The following MAP3K5 variants were observed in gnomAD, a reference collection of about 807,000 sequenced individuals.
MAP3K5 encodes ASK-1.
MAP3K5 carries 56 observed loss-of-function variants against 158.7 expected under a neutral mutation model. That is an observed-to-expected ratio of 0.35 (90% CI 0.28 to 0.44). MAP3K5 has a LOEUF of 0.44. Ranked by LOEUF, MAP3K5 falls within the 20% of genes least tolerant of loss-of-function variation. The pLI is 1.00. For synonymous variants in MAP3K5, 579 were observed against 601.7 expected (o/e 0.96, Z 0.55); for missense variants, 1,294 against 1,674.8 (o/e 0.77, Z 3.97).
intron 24 of MAP3K5, among the ~76,000 whole-genome samples, chr6:136,580,871 G>A (rs2129075217): frequency 6.6e-6 from 1 of 151,984 alleles, no homozygotes; most frequent in East Asian, 1.9e-4. Flanking sequence ...GTGGAGTGCA[G>A]TGGCGGGATC....
At chr6:136,741,392 T>C (rs1309230495) in intron 1 of MAP3K5, among the ~76,000 whole-genome samples, 1 of 152,068 alleles carries the variant, frequency 6.6e-6, no homozygotes, top group Non-Finnish European at 1.5e-5. Context: ...AATTGAATTA[T>C]AGATAATGTT....
chr6:136,614,304 G>A lies in MAP3K5; in HGVS notation c.2151-18C>T, dbSNP rs1230077367. ...GAGAGTATCTAAAAGACATGCAATT[G>A]TCAATGAGTTAATTATGTAGCCAGA... is the stretch of plus-strand genomic sequence containing the variant. On this transcript the variant is annotated intron_variant, in intron 15 of 29. Transcript: ENST00000359015. The A allele has an allele frequency of 3.1e-6, 5 of 1,608,658 alleles. No homozygotes were observed. Among genetic ancestry groups the A allele is most frequent in the Non-Finnish European group, 4.2e-6 (5 of 1,177,464 alleles).
Position 136,588,566 on chromosome 6 carries a change from T to G in MAP3K5, c.3225+3607A>C, listed in dbSNP as rs138675748. On this transcript the variant is annotated intron_variant, in intron 23 of 29. Coordinates refer to ENST00000359015, the MANE Select transcript of MAP3K5 (RefSeq NM_005923.4). ...TTCAAGGGGATGCAGATATTTTTGTTCAGTTCGCCACAGCATCCCCAGCAC... is the reference window on the plus strand; with the variant it reads ...TTCAAGGGGATGCAGATATTTTTGTGCAGTTCGCCACAGCATCCCCAGCAC... Among the ~76,000 whole-genome samples the G allele has an allele frequency of 3.7e-3, 558 of 152,312 alleles. 3 individuals are homozygous for G. The highest frequency in any genetic ancestry group is 0.013 in the African/African-American group (524 of 41,566).
At chr6:136,772,966 C>T (rs927355180) in intron 1 of MAP3K5, among the ~76,000 whole-genome samples, 2 of 152,074 alleles carry the variant, frequency 1.3e-5, no homozygotes, top group African/African-American at 4.8e-5. Context: ...GGGTTCAAGC[C>T]AGTCAAGAAT....
At chr6:136,618,416 TTGTTACA>T (rs1282785194) in intron 15 of MAP3K5, among the ~76,000 whole-genome samples, 5 of 152,250 alleles carry the variant, frequency 3.3e-5, no homozygotes, top group African/African-American at 1.2e-4. Context: ...ACCAACTGCA[TTGTTACA>T]GAACAGGAGC....
chr6:136,564,522 C>T (rs1410752268), intron 26 of MAP3K5, among the ~76,000 whole-genome samples: 1 of 152,006 alleles, frequency 6.6e-6, no homozygotes, highest in Admixed American at 6.6e-5. Flanking sequence ...GCAGGAAGCT[C>T]TGTGTGAATG....
chr6:136,583,916 A>C (rs1322373066), intron 23 of MAP3K5, among the ~76,000 whole-genome samples, 176 bp from the exon 24 acceptor site: 1 of 151,878 alleles, frequency 6.6e-6, no homozygotes, highest in Non-Finnish European at 1.5e-5. Flanking sequence ...TCCCATCACT[A>C]CTTCCCAAAG....
At chr6:136,562,670 TTTTTA>T in intron 26 of MAP3K5, 55 bp from the exon 27 acceptor site, 1 of 869,180 alleles carries the variant, frequency 1.2e-6, no homozygotes, top group Non-Finnish European at 1.8e-6. Flanking sequence ...GACCTTCTTT[TTTTTA>T]TTTTTATTTT....
At chr6:136,626,303 C>T (rs1219875539) in intron 14 of MAP3K5, among the ~76,000 whole-genome samples, 1 of 152,200 alleles carries the variant, frequency 6.6e-6, no homozygotes, top group Non-Finnish European at 1.5e-5. Flanking sequence ...TCTTCTCTGG[C>T]TCAGGACAGA....
chr6:136,703,553 A>G (rs1780943250), intron 3 of MAP3K5, among the ~76,000 whole-genome samples: 1 of 152,268 alleles, frequency 6.6e-6, no homozygotes, highest in Admixed American at 6.5e-5. Flanking sequence ...CGTGCAGCGC[A>G]TGTCCAATCA....
At chr6:136,696,477 T>C (rs1331853495) in intron 5 of MAP3K5, among the ~76,000 whole-genome samples, 1 of 152,210 alleles carries the variant, frequency 6.6e-6, no homozygotes, top group Non-Finnish European at 1.5e-5. Context: ...CACAGTTTCA[T>C]GTCACATGAG....
At position 136,792,146 on chromosome 6, in the gene MAP3K5, C is replaced by T; in HGVS notation, c.12G>A (p.Glu4=). The change falls in exon 1 of 30, where the codon GAG becomes GAA. Residue 4 remains glutamate (E), a synonymous_variant. Coordinates refer to ENST00000359015, the MANE Select transcript of MAP3K5 (RefSeq NM_005923.4). The surrounding 1 kb of genome is among the most constrained non-coding windows in gnomAD (Gnocchi z 5.7). ...CAGAGAAAGTGATGCCCTCGTCCGC[C>T]TCCGTGCTCATCTCTCCGGGCCGGG... MST[E]ADEGITFSVP... is the part of the protein sequence containing the mutation. 2 of 1,567,612 alleles carry T rather than the reference C, an allele frequency of 1.3e-6. No homozygotes were observed. The highest frequency in any genetic ancestry group is 8.6e-7 in the Non-Finnish European group (1 of 1,159,060).
intron 1 of MAP3K5, among the ~76,000 whole-genome samples, chr6:136,784,075 CAGCCAAGGCCACGGGTG>C (rs1582698952): frequency 6.6e-6 from 1 of 152,208 alleles, no homozygotes; most frequent in East Asian, 1.9e-4. Flanking sequence ...AGGCTGGCTC[CAGCCAAGGCCACGGGTG>C]AGACAAGCCT....
intron 2 of MAP3K5, among the ~76,000 whole-genome samples, chr6:136,707,056 G>A (rs994405728): frequency 7.2e-5 from 11 of 152,130 alleles, no homozygotes; most frequent in Non-Finnish European, 1.5e-4. Flanking sequence ...TTGGAAGGCT[G>A]GGGCAGGAGG....
intron 7 of MAP3K5, among the ~76,000 whole-genome samples, chr6:136,675,220 A>G (rs545785874): frequency 6.6e-6 from 1 of 152,228 alleles, no homozygotes; most frequent in South Asian, 2.1e-4. Flanking sequence ...AAAAAAGCAG[A>G]TATAGAAATC....
intron 7 of MAP3K5, 56 bp from the exon 8 acceptor site, chr6:136,669,451 T>G (rs1052083556): frequency 1.0e-6 from 1 of 973,792 alleles, no homozygotes; most frequent in Admixed American, 1.9e-5. Flanking sequence ...ACCCTGGGTG[T>G]GTAATAGCTT....
At chr6:136,596,087 G>T (rs942624385) in intron 21 of MAP3K5, among the ~76,000 whole-genome samples, 4 of 152,106 alleles carry the variant, frequency 2.6e-5, no homozygotes, top group Admixed American at 1.3e-4. Context: ...GGCTGGAGAT[G>T]GTATTTAAAG....
At chr6:136,700,060 C>A (rs895177404) in intron 3 of MAP3K5, among the ~76,000 whole-genome samples, 2 of 150,758 alleles carry the variant, frequency 1.3e-5, no homozygotes, top group African/African-American at 4.9e-5. Flanking sequence ...GGTGACAGAG[C>A]GAGACTCTGT....
intron 1 of MAP3K5, among the ~76,000 whole-genome samples, chr6:136,730,582 C>T (rs564878723): frequency 6.6e-6 from 1 of 151,818 alleles, no homozygotes; most frequent in South Asian, 2.1e-4. Flanking sequence ...ATTAGCCAGG[C>T]GTGGTGGCAG....
Sources: gnomAD v4.1 joint callset for allele counts (sites outside exome capture counted in the v4.1 genomes callset) on GRCh38, gnomAD v4.1.1 for gene constraint, Gnocchi (gnomAD v3.1) non-coding constraint, MANE v1.5 for transcripts, NCBI Gene and HGNC (gene_info 2026-07-23, HGNC 2026-07-21) for gene names.